EPHA8: variants seen among roughly 807,000 people sequenced by gnomAD.
The protein encoded by EPHA8 is EPH receptor A8.
EPHA8 carries 58 observed loss-of-function variants against 103.6 expected under a neutral mutation model. That is an observed-to-expected ratio of 0.56 (90% confidence interval 0.45 to 0.70). The LOEUF (loss-of-function observed/expected upper bound fraction) is 0.70. Ranked by LOEUF, EPHA8 falls within the 30% of genes least tolerant of loss-of-function variation. The pLI is 0.00. For missense variants in EPHA8, 1,304 were observed against 1,395.2 expected (o/e 0.93, Z 1.04); for synonymous variants, 559 against 572.5 (o/e 0.98, Z 0.34).
chr1:22,597,314 C>A lies in EPHA8; in HGVS notation c.1768C>A (p.Pro590Thr), dbSNP rs765867803. The change falls in exon 10 of 17, where the codon CCC becomes ACC. Residue 590 changes from proline (P) to threonine (T), a missense_variant and splice_region_variant. By Grantham distance (38) the Pro-to-Thr change is conservative. Coordinates refer to ENST00000166244, the MANE Select transcript of EPHA8 (RefSeq NM_020526.5). The surrounding 1 kb of genome is among the most constrained non-coding windows in gnomAD (Gnocchi z 4.6). ...EKMHYQNGQA[P>T]PPVFLPLHHP... ...AAGGCCCTCCTCCCGCCCCTCAGCACCCCCACCTGTCTTCCTGCCTCTGCA... is the reference window on the plus strand; with the variant it reads ...AAGGCCCTCCTCCCGCCCCTCAGCAACCCCACCTGTCTTCCTGCCTCTGCA... The A allele has an allele frequency of 5.6e-6, 9 of 1,601,102 alleles. No homozygotes were observed. Among genetic ancestry groups the A allele is most frequent in the East Asian group, 2.2e-5 (1 of 44,610 alleles).
chr1:22,596,334 G>A (rs1641517757), intron 9 of EPHA8, among the ~76,000 whole-genome samples, 161 bp downstream of exon 9: 1 of 152,202 alleles, frequency 6.6e-6, no homozygotes, highest in South Asian at 2.1e-4. Context: ...GTGCCCCAGA[G>A]GGCAGCGCCG....
intron 3 of EPHA8, among the ~76,000 whole-genome samples, chr1:22,577,896 CAT>C (rs1640766968): frequency 3.0e-5 from 2 of 66,216 alleles, no homozygotes; most frequent in Non-Finnish European, 3.0e-5. Context: ...TGAGTGTGTG[CAT>C]GTGTGTGTAT....
chr1:22,597,500 C>T lies in EPHA8; in HGVS notation c.1930+24C>T, dbSNP rs549187828. 22 of 1,605,370 alleles carry T rather than the reference C, an allele frequency of 1.4e-5. No homozygotes were observed. The highest frequency in any genetic ancestry group is 1.1e-4 in the South Asian group (10 of 90,148). ...TGGTGAGTCTCAGGGGTTGTGAGGG[C>T]GGGGCCAGCATGGGGCAAGGTGGGG... On this transcript the variant is annotated intron_variant, in intron 10 of 16. Coordinates refer to ENST00000166244, the MANE Select transcript of EPHA8 (RefSeq NM_020526.5). This position sits in a 1 kb window ranked among gnomAD's most constrained non-coding sequence, Gnocchi z 4.6.
At chr1:22,578,068 A>AGT (rs796071658) in intron 3 of EPHA8, among the ~76,000 whole-genome samples, 2 of 19,482 alleles carry the variant, frequency 1.0e-4, no homozygotes, top group South Asian at 1.6e-3. Flanking sequence ...TGTGTGCATG[A>AGT]GTATGTATGC....
At chr1:22,601,136 A>G (rs1465499697) in intron 15 of EPHA8, 48 bp downstream of exon 15, 1 of 1,570,514 alleles carries the variant, frequency 6.4e-7, no homozygotes, top group Non-Finnish European at 8.6e-7. Flanking sequence ...GCCTCCCAGT[A>G]TTGCCCCAGA....
chr1:22,574,067 C>T (rs1640616238), intron 2 of EPHA8, among the ~76,000 whole-genome samples: 1 of 152,240 alleles, frequency 6.6e-6, no homozygotes. Flanking sequence ...CAAACTCCGT[C>T]CCCCGGGTTC....
intron 3 of EPHA8, among the ~76,000 whole-genome samples, chr1:22,579,510 T>A (rs555182766): frequency 7.5e-4 from 114 of 152,254 alleles, no homozygotes; most frequent in African/African-American, 2.6e-3. Context: ...TGCGCATGTG[T>A]GTGTGCATGT....
chr1:22,589,117 CCTT>C lies in EPHA8; in HGVS notation c.1229_1231del (p.Phe410del), dbSNP rs1448577346. ...AACCTGCTGGCCCACATGAACTACT[CCTT>C]CTGGATCGAGGCCGTCAATGGCGTG... On this transcript the variant is annotated inframe_deletion, in exon 5 of 17. Transcript: ENST00000166244. This position sits in a 1 kb window ranked among gnomAD's most constrained non-coding sequence, Gnocchi z 4.3. 6 of 1,613,820 alleles carry C rather than the reference CCTT, an allele frequency of 3.7e-6. No homozygotes were observed. The highest frequency in any genetic ancestry group is 1.7e-5 in the Admixed American group (1 of 60,000).
intron 1 of EPHA8, among the ~76,000 whole-genome samples, chr1:22,566,317 C>A (rs1179000958): frequency 1.3e-5 from 2 of 152,226 alleles, no homozygotes; most frequent in Non-Finnish European, 1.5e-5. Flanking sequence ...CACCATCATG[C>A]GCTGCGTCCT....
intron 8 of EPHA8, 110 bp downstream of exon 8, chr1:22,595,433 C>T (rs1641491645): frequency 3.9e-6 from 3 of 765,160 alleles, no homozygotes; most frequent in Non-Finnish European, 6.5e-6. Context: ...GGCTGGCTCA[C>T]TTACAAACAC....
In EPHA8 at chr1:22,598,167, T is replaced by A. The variant is rs1641576588; in HGVS notation, c.2133T>A (p.Ile711=). 2 of 1,613,316 alleles carry A rather than the reference T, an allele frequency of 1.2e-6. No homozygotes were observed. The highest frequency in any genetic ancestry group is 2.7e-5 in the African/African-American group (2 of 74,894). Residue 711 remains isoleucine (I), a synonymous_variant, in exon 12 of 17, where the codon ATT becomes ATA. Transcript: ENST00000166244. This position sits in a 1 kb window ranked among gnomAD's most constrained non-coding sequence, Gnocchi z 5.1. ...GVVTRGRLAM[I]VTEYMENGSL... Reference sequence around the variant, plus strand: ...CCCGCCCAGGCCGCCTGGCAATGATTGTGACTGAGTACATGGAGAACGGCT... The same window carrying A: ...CCCGCCCAGGCCGCCTGGCAATGATAGTGACTGAGTACATGGAGAACGGCT...
At chr1:22,582,379 T>A (rs951817752) in intron 3 of EPHA8, among the ~76,000 whole-genome samples, 16 of 152,160 alleles carry the variant, frequency 1.1e-4, no homozygotes, top group Admixed American at 1.0e-3. Context: ...ACAGCTGCCC[T>A]CCCTGCCTTG....
Position 22,598,273 on chromosome 1 carries a change from G to A in EPHA8, c.2178+61G>A. On this transcript the variant is annotated intron_variant, in intron 12 of 16. Transcript: ENST00000166244. This position sits in a 1 kb window ranked among gnomAD's most constrained non-coding sequence, Gnocchi z 5.1. Reference sequence around the variant, plus strand: ...GGGAGGGAGGTCCAGTCTGGGTGCTGGGAGATAGTGCAAAGCCCTCTAAGC... The same window carrying A: ...GGGAGGGAGGTCCAGTCTGGGTGCTAGGAGATAGTGCAAAGCCCTCTAAGC... 6.5e-7 allele frequency: 1 copy of A among 1,549,970 alleles called. No homozygotes were observed. The highest frequency in any genetic ancestry group is 8.8e-7 in the Non-Finnish European group (1 of 1,131,648).
intron 1 of EPHA8, among the ~76,000 whole-genome samples, chr1:22,566,254 A>G (rs2124505742): frequency 6.6e-6 from 1 of 152,322 alleles, no homozygotes; most frequent in Admixed American, 6.5e-5. Context: ...GTGATCTCCA[A>G]GGCATTCAGA....
chr1:22,585,660 G>T (rs1473143770), intron 3 of EPHA8, among the ~76,000 whole-genome samples: 2 of 152,228 alleles, frequency 1.3e-5, no homozygotes, highest in African/African-American at 4.8e-5. Context: ...AGCTGGGTGG[G>T]GGGAGGCAGG....
chr1:22,595,944 C>A (rs71638848), intron 8 of EPHA8, among the ~76,000 whole-genome samples, 162 bp from the exon 9 acceptor site: 2 of 152,140 alleles, frequency 1.3e-5, no homozygotes, highest in Non-Finnish European at 2.9e-5. Context: ...GGGTTGAGAG[C>A]CTGGAGTCAG....
At chr1:22,592,458 C>G (rs915905617) in intron 5 of EPHA8, among the ~76,000 whole-genome samples, 1 of 152,190 alleles carries the variant, frequency 6.6e-6, no homozygotes, top group Non-Finnish European at 1.5e-5. Flanking sequence ...CGCCTGGCTC[C>G]CAGACTGGTG....
At chr1:22,570,179 C>T (rs766329599) in intron 2 of EPHA8, among the ~76,000 whole-genome samples, 7 of 152,228 alleles carry the variant, frequency 4.6e-5, no homozygotes, top group Non-Finnish European at 7.3e-5. Context: ...TTGTTACTCA[C>T]GTGTGTTCTC....
Position 22,589,228 on chromosome 1 carries a change from C to T in EPHA8, c.1315+22C>T, listed in dbSNP as rs143644743. The T allele has an allele frequency of 7.9e-5, 128 of 1,613,896 alleles. 1 individual carries two copies. Among genetic ancestry groups the T allele is most frequent in the Admixed American group, 1.5e-4 (9 of 60,010 alleles). On this transcript the variant is annotated intron_variant, in intron 5 of 16. Coordinates refer to ENST00000166244, the MANE Select transcript of EPHA8 (RefSeq NM_020526.5). This position sits in a 1 kb window ranked among gnomAD's most constrained non-coding sequence, Gnocchi z 4.3. ...GCAGGTAGGCGGAGAAACTCCGTCC[C>T]GCAGCGTCCTGGTCCCCCAGCTTCC...
Sources: allele counts gnomAD v4.1 joint callset (sites outside exome capture counted in the v4.1 genomes callset), GRCh38; gene constraint gnomAD v4.1.1; non-coding constraint Gnocchi (gnomAD v3.1); transcripts MANE v1.5; gene names NCBI Gene and HGNC (gene_info 2026-07-23, HGNC 2026-07-21).